DPP10: variants seen among roughly 807,000 people sequenced by gnomAD.
DPP10 encodes dipeptidyl peptidase like 10, also known as inactive dipeptidyl peptidase 10.
DPP10 carries 33 observed loss-of-function variants against 120.9 expected under a neutral mutation model. The ratio of observed to expected loss-of-function variants is 0.27; its 90% confidence interval spans 0.21 to 0.37. DPP10 has a LOEUF of 0.37. DPP10 is among the 10% of genes least tolerant of loss of function. DPP10 has a pLI of 1.00. For synonymous variants in DPP10, 337 were observed against 326.1 expected (o/e 1.03, Z -0.36); for missense variants, 816 against 942.8 (o/e 0.87, Z 1.76).
intron 5 of DPP10, among the ~76,000 whole-genome samples, chr2:115,542,781 C>G (rs2079248999): frequency 6.6e-6 from 1 of 151,598 alleles, no homozygotes; most frequent in South Asian, 2.1e-4. Flanking sequence ...AACTGTATAA[C>G]TATGGTGATT....
intron 1 of DPP10, among the ~76,000 whole-genome samples, chr2:114,942,322 C>CATATATATATATATATATATATAT (rs1696993617): frequency 2.0e-5 from 2 of 102,428 alleles, no homozygotes; most frequent in Non-Finnish European, 3.8e-5. Flanking sequence ...TATATATATA[C>CATATATATATATATATATATATAT]ACACACATAT....
intron 1 of DPP10, among the ~76,000 whole-genome samples, chr2:114,633,732 G>A (rs1407844217): frequency 6.6e-6 from 1 of 151,672 alleles, no homozygotes; most frequent in Non-Finnish European, 1.5e-5. Flanking sequence ...TCCTGCCTCA[G>A]CCTCCCGATT....
intron 3 of DPP10, among the ~76,000 whole-genome samples, chr2:115,369,449 A>G (rs1410444606): frequency 1.3e-5 from 2 of 152,080 alleles, no homozygotes; most frequent in African/African-American, 2.4e-5. Context: ...AGTTATGATT[A>G]CTTAAATATC....
chr2:114,601,971 T>C (rs901291181), intron 1 of DPP10, among the ~76,000 whole-genome samples: 1 of 151,950 alleles, frequency 6.6e-6, no homozygotes, highest in Non-Finnish European at 1.5e-5. Flanking sequence ...TAAAAGTAGA[T>C]GACTAGAAAA....
chr2:115,495,452 A>T (rs1235265299), intron 3 of DPP10, among the ~76,000 whole-genome samples: 1 of 151,884 alleles, frequency 6.6e-6, no homozygotes, highest in East Asian at 1.9e-4. Context: ...CAGTAAAATA[A>T]TGTGAATGTA....
intron 7 of DPP10, among the ~76,000 whole-genome samples, chr2:115,714,479 A>C (rs2092424780): frequency 6.6e-6 from 1 of 152,210 alleles, no homozygotes; most frequent in African/African-American, 2.4e-5. Context: ...GAATAATCAA[A>C]GTAAACAGTG....
chr2:115,759,017 A>G (rs1679773932), intron 11 of DPP10, among the ~76,000 whole-genome samples: 1 of 152,186 alleles, frequency 6.6e-6, no homozygotes, highest in Non-Finnish European at 1.5e-5. Context: ...ATACTGAATA[A>G]GCCAAAAAAT....
At chr2:114,795,380 A>ACC (rs1683616023) in intron 1 of DPP10, among the ~76,000 whole-genome samples, 1 of 151,968 alleles carries the variant, frequency 6.6e-6, no homozygotes. Flanking sequence ...AATCCCAGCC[A>ACC]TTTGGGAGGC....
intron 4 of DPP10, among the ~76,000 whole-genome samples, chr2:115,522,632 C>G (rs2077883445): frequency 6.6e-6 from 1 of 152,146 alleles, no homozygotes; most frequent in Non-Finnish European, 1.5e-5. Flanking sequence ...TTGCCTTCAA[C>G]AGAATGTACA....
intron 1 of DPP10, among the ~76,000 whole-genome samples, chr2:115,108,586 C>A (rs1461246801): frequency 6.6e-6 from 1 of 151,988 alleles, no homozygotes; most frequent in African/African-American, 2.4e-5. Context: ...ACCAGTAAGC[C>A]AATTTAAAAC....
At chr2:114,818,332 G>T (rs959851424) in intron 1 of DPP10, among the ~76,000 whole-genome samples, 3 of 151,974 alleles carry the variant, frequency 2.0e-5, no homozygotes, top group African/African-American at 7.3e-5. Flanking sequence ...TCTAACAGAG[G>T]GTCATTTCTT....
chr2:115,306,344 A>C (rs942877448), intron 1 of DPP10, among the ~76,000 whole-genome samples: 2 of 152,086 alleles, frequency 1.3e-5, no homozygotes, highest in Admixed American at 6.6e-5. Context: ...CAGAATTAGG[A>C]ATGGAATGGT....
At chr2:115,629,085 G>A (rs1217830020) in intron 5 of DPP10, among the ~76,000 whole-genome samples, 5 of 152,042 alleles carry the variant, frequency 3.3e-5, no homozygotes, top group Non-Finnish European at 7.4e-5. Flanking sequence ...CTGTACTTGC[G>A]ATAGTTTGCT....
At chr2:114,542,415 A>T (rs755070128) in intron 1 of DPP10, among the ~76,000 whole-genome samples, 2 of 152,164 alleles carry the variant, frequency 1.3e-5, no homozygotes, top group African/African-American at 2.4e-5. Context: ...TTCTCCCCAC[A>T]TGCTTTCCAG....
intron 1 of DPP10, among the ~76,000 whole-genome samples, chr2:115,163,733 A>G (rs2052614188): frequency 6.6e-6 from 1 of 152,206 alleles, no homozygotes; most frequent in Admixed American, 6.5e-5. Flanking sequence ...AAGATTAGCC[A>G]GGTGAGAGTC....
At chr2:114,861,272 G>A (rs1332118831) in intron 1 of DPP10, among the ~76,000 whole-genome samples, 3 of 152,122 alleles carry the variant, frequency 2.0e-5, no homozygotes, top group Admixed American at 6.5e-5. Context: ...CACAGAGTCT[G>A]CAACAGCAGA....
At chr2:115,225,890 T>A (rs1048905186) in intron 1 of DPP10, among the ~76,000 whole-genome samples, 6 of 152,138 alleles carry the variant, frequency 3.9e-5, no homozygotes, top group Admixed American at 2.6e-4. Context: ...CGGGGTTTTG[T>A]GTCTGGATCA....
chr2:115,187,712 G>A (rs1573940968), intron 1 of DPP10, among the ~76,000 whole-genome samples: 1 of 152,170 alleles, frequency 6.6e-6, no homozygotes, highest in East Asian at 1.9e-4. Context: ...GCATGACAAA[G>A]CTCAGTAGGC....
At chr2:115,166,529 A>G (rs2052872311) in intron 1 of DPP10, among the ~76,000 whole-genome samples, 1 of 115,166 alleles carries the variant, frequency 8.7e-6, no homozygotes, top group South Asian at 2.3e-4. Flanking sequence ...ATATAAATAT[A>G]TATATAAATT....
Sources: allele counts gnomAD v4.1 joint callset (sites outside exome capture counted in the v4.1 genomes callset), GRCh38; gene constraint gnomAD v4.1.1; transcripts MANE v1.5; gene names NCBI Gene and HGNC (gene_info 2026-07-23, HGNC 2026-07-21).